Variants in WSCD2 observed in about 807,000 individuals in gnomAD.
WSCD2 encodes sialate:O-sulfotransferase 2.
In WSCD2, 28 loss-of-function variants were observed where a neutral mutation model predicts 55.7. The ratio of observed to expected loss-of-function variants is 0.50; its 90% confidence interval spans 0.37 to 0.69. WSCD2 has a LOEUF of 0.69. Ranked by LOEUF, WSCD2 falls within the 30% of genes least tolerant of loss-of-function variation. WSCD2 has a pLI of 0.00. For synonymous variants in WSCD2, 301 were observed against 301.9 expected, an observed-to-expected ratio of 1.00 and a Z score of 0.03; for missense variants, 616 against 762.1, an observed-to-expected ratio of 0.81 and a Z score of 2.26.
chr12:108,142,918 C>T (rs986348684), intron 1 of WSCD2, among the ~76,000 whole-genome samples: 2 of 152,174 alleles, frequency 1.3e-5, no homozygotes, highest in African/African-American at 4.8e-5. Flanking sequence ...TCAAGAGATA[C>T]TCCTGCCTCA....
intron 1 of WSCD2, among the ~76,000 whole-genome samples, chr12:108,193,271 A>G (rs1193589078): frequency 6.6e-6 from 1 of 152,244 alleles, no homozygotes; most frequent in Non-Finnish European, 1.5e-5. Context: ...CTACTATGGG[A>G]TTTATCATAG....
At chr12:108,216,262 T>C (rs1478826531) in intron 4 of WSCD2, among the ~76,000 whole-genome samples, 1 of 152,226 alleles carries the variant, frequency 6.6e-6, no homozygotes, top group Non-Finnish European at 1.5e-5. Flanking sequence ...CAAAATAGGA[T>C]AATAATATTG....
At chr12:108,172,067 C>T (rs1880306568) in intron 1 of WSCD2, among the ~76,000 whole-genome samples, 1 of 152,110 alleles carries the variant, frequency 6.6e-6, no homozygotes, top group Non-Finnish European at 1.5e-5. Flanking sequence ...TTTGGAAATC[C>T]TGAGGGGTCC....
intron 1 of WSCD2, among the ~76,000 whole-genome samples, chr12:108,157,995 G>A (rs973826920): frequency 1.3e-5 from 2 of 152,104 alleles, no homozygotes; most frequent in Non-Finnish European, 2.9e-5. Flanking sequence ...CAAACACCCA[G>A]CCACTACAGG....
At chr12:108,174,428 T>C in intron 1 of WSCD2, among the ~76,000 whole-genome samples, 1 of 152,098 alleles carries the variant, frequency 6.6e-6, no homozygotes, top group South Asian at 2.1e-4. Context: ...GATTTTGATT[T>C]CGGGGGCTCC....
At chr12:108,174,709 G>A (rs1177012977) in intron 1 of WSCD2, among the ~76,000 whole-genome samples, 1 of 152,132 alleles carries the variant, frequency 6.6e-6, no homozygotes, top group Non-Finnish European at 1.5e-5. Context: ...CAAACTTCTG[G>A]GCTCAAAGGA....
chr12:108,205,328 C>T (rs546822682), intron 2 of WSCD2, among the ~76,000 whole-genome samples: 1 of 152,160 alleles, frequency 6.6e-6, no homozygotes, highest in Non-Finnish European at 1.5e-5. Flanking sequence ...ATAATATTCT[C>T]ATAGGATCGC....
rs371843593 is a variant in WSCD2, at chr12:108,248,323, G to C, written c.1678G>C (p.Asp560His). The C allele has an allele frequency of 1.1e-5, 18 of 1,613,286 alleles. No homozygotes were observed. Among genetic ancestry groups the C allele is most frequent in the Middle Eastern group, 3.3e-4 (2 of 6,082 alleles). Reference sequence around the variant, plus strand: ...AGGGCGGAACCTAACGGGTGTCCCCGATGACTACTACCCAAGATGATGCGT... The same window carrying C: ...AGGGCGGAACCTAACGGGTGTCCCCCATGACTACTACCCAAGATGATGCGT... ...LKGRNLTGVP[D>H]DYYPR Residue 560 changes from aspartate (D) to histidine (H), a missense_variant, in exon 9 of 9, where the codon GAT (aspartate) becomes CAT (histidine). Asp to His is a moderately conservative substitution (Grantham distance 81, BLOSUM62 -1). Transcript: ENST00000547525. The surrounding 1 kb of genome is among the most constrained non-coding windows in gnomAD (Gnocchi z 4.3).
intron 2 of WSCD2, among the ~76,000 whole-genome samples, chr12:108,204,118 T>C (rs1329272053): frequency 6.6e-5 from 10 of 152,194 alleles, no homozygotes; most frequent in Admixed American, 6.5e-4. Context: ...ATAAGAAGTT[T>C]GTGAAGATTG....
chr12:108,213,700 G>A (rs1361469344), intron 4 of WSCD2, among the ~76,000 whole-genome samples: 2 of 152,170 alleles, frequency 1.3e-5, no homozygotes, highest in East Asian at 3.9e-4. Context: ...CAAAAGCCTG[G>A]TGCCTATTGC....
chr12:108,230,772 C>T (rs758639451), intron 6 of WSCD2, among the ~76,000 whole-genome samples: 3 of 152,178 alleles, frequency 2.0e-5, no homozygotes, highest in Admixed American at 6.5e-5. Context: ...CGAGTAATCA[C>T]GTGAGGTGAG....
intron 8 of WSCD2, 133 bp from the exon 9 acceptor site, chr12:108,247,858 G>C: frequency 9.4e-7 from 1 of 1,063,532 alleles, no homozygotes; most frequent in Non-Finnish European, 1.3e-6. Flanking sequence ...CACCTGGCCT[G>C]TATTATTACA....
At chr12:108,161,290 C>A (rs929733901) in intron 1 of WSCD2, among the ~76,000 whole-genome samples, 3 of 152,132 alleles carry the variant, frequency 2.0e-5, no homozygotes, top group African/African-American at 4.8e-5. Flanking sequence ...AACCTCCAGG[C>A]CTTCAGAATG....
intron 1 of WSCD2, among the ~76,000 whole-genome samples, chr12:108,185,049 G>A (rs2137012826): frequency 6.6e-6 from 1 of 152,232 alleles, no homozygotes; most frequent in Non-Finnish European, 1.5e-5. Context: ...AAAATTAAGG[G>A]TCAGCAAATA....
intron 1 of WSCD2, among the ~76,000 whole-genome samples, chr12:108,155,486 TATGA>T (rs1474298472): frequency 6.6e-6 from 1 of 152,216 alleles, no homozygotes; most frequent in Non-Finnish European, 1.5e-5. Context: ...GAAATGGCAG[TATGA>T]TTCTTGTGAT....
intron 1 of WSCD2, among the ~76,000 whole-genome samples, chr12:108,179,521 C>T (rs1424654008): frequency 2.0e-5 from 3 of 152,218 alleles, no homozygotes; most frequent in Admixed American, 2.0e-4. Context: ...CTTTAAAGAC[C>T]AGCTTGCTGT....
intron 2 of WSCD2, among the ~76,000 whole-genome samples, chr12:108,203,004 C>T (rs893161086): frequency 6.6e-6 from 1 of 152,196 alleles, no homozygotes; most frequent in African/African-American, 2.4e-5. Context: ...CCTCCCAAGA[C>T]ATCTCCTCCC....
At chr12:108,179,077 C>G (rs894110197) in intron 1 of WSCD2, among the ~76,000 whole-genome samples, 7 of 152,230 alleles carry the variant, frequency 4.6e-5, no homozygotes, top group Non-Finnish European at 1.0e-4. Flanking sequence ...CACTGAGGAT[C>G]AAACTCTGAG....
chr12:108,211,574 C>T (rs910097898), intron 4 of WSCD2, among the ~76,000 whole-genome samples: 2 of 150,380 alleles, frequency 1.3e-5, no homozygotes, highest in Non-Finnish European at 2.9e-5. Context: ...TGAATTTCAT[C>T]GTTTATAGAA....
Sources: allele counts gnomAD v4.1 joint callset (sites outside exome capture counted in the v4.1 genomes callset), GRCh38; gene constraint gnomAD v4.1.1; non-coding constraint Gnocchi (gnomAD v3.1); transcripts MANE v1.5; gene names NCBI Gene and HGNC (gene_info 2026-07-23, HGNC 2026-07-21).